TSPAN15: variants seen among roughly 807,000 people sequenced by gnomAD.
TSPAN15 encodes tetraspanin-15.
Under a neutral mutation model 34.5 loss-of-function variants are expected in TSPAN15, and 20 were observed. That is an observed-to-expected ratio of 0.58 (90% CI 0.41 to 0.84). The LOEUF (loss-of-function observed/expected upper bound fraction) is 0.84, where lower values mean the gene tolerates loss of function less well. Among genes scored for constraint, TSPAN15 ranks in the 40% least tolerant of loss-of-function variants. TSPAN15 has a pLI of 0.00. For synonymous variants in TSPAN15, 155 were observed against 153.9 expected (o/e 1.01, Z -0.05); for missense variants, 313 against 386.1 (o/e 0.81, Z 1.59).
the TSPAN15 span, among the ~76,000 whole-genome samples, chr10:69,543,976 C>T: frequency 1.3e-5 from 2 of 149,844 alleles, no homozygotes; most frequent in Non-Finnish European, 3.0e-5. Context: ...TGCATACAGG[C>T]AGGGAGATTG....
chr10:69,485,747 G>T (rs763701041), intron 3 of TSPAN15, among the ~76,000 whole-genome samples: 15 of 145,970 alleles, frequency 1.0e-4, no homozygotes, highest in Non-Finnish European at 2.1e-4. Flanking sequence ...AGAGTTGAGG[G>T]TGTACACAGG....
intron 5 of TSPAN15, among the ~76,000 whole-genome samples, chr10:69,498,847 G>T (rs554885954): frequency 1.3e-5 from 2 of 152,322 alleles, no homozygotes; most frequent in East Asian, 3.9e-4. Flanking sequence ...AACTGTGCAG[G>T]CCAGGTGAGG....
chr10:69,498,204 G>T, intron 4 of TSPAN15, 76 bp from the exon 5 acceptor site: 1 of 1,360,254 alleles, frequency 7.4e-7, no homozygotes, highest in Non-Finnish European at 1.1e-6. Flanking sequence ...TCCGTCTCCT[G>T]ACAGGGCCCC....
intron 1 of TSPAN15, among the ~76,000 whole-genome samples, chr10:69,471,858 G>A (rs1360294540): frequency 1.3e-5 from 2 of 152,168 alleles, no homozygotes; most frequent in Admixed American, 1.3e-4. Context: ...TTCCCAAAGT[G>A]CTGGGATTAC....
chr10:69,506,408 G>C lies in TSPAN15; in HGVS notation c.735+168G>C, dbSNP rs1842328731. On this transcript the variant is annotated intron_variant, in intron 7 of 7. Coordinates refer to ENST00000373290, the MANE Select transcript of TSPAN15 (RefSeq NM_012339.5). This position sits in a 1 kb window ranked among gnomAD's most constrained non-coding sequence, Gnocchi z 4.7. ...AAATGGCAATAGCAGTCGTGGCGAA[G>C]CTCTTCCAAGTGCTGCGCAGGCACT... The C allele has an allele frequency of 1.6e-6, 1 of 637,958 alleles. No homozygotes were observed. The highest frequency in any genetic ancestry group is 2.8e-5 in the Admixed American group (1 of 35,514). 39.5% of individuals were successfully genotyped at this position (637,958 alleles called of 1,614,324 possible). A position where few individuals can be genotyped will look rare whatever the true frequency, so the allele number is the denominator to read the frequency against.
Position 69,507,227 on chromosome 10 carries a change from G to GC in TSPAN15, c.*252dup, listed in dbSNP as rs1842351090. 5 of 1,394,250 alleles carry GC rather than the reference G, an allele frequency of 3.6e-6. No individual in the cohort carries two copies. The highest frequency in any genetic ancestry group is 3.7e-6 in the Non-Finnish European group (4 of 1,078,012). 86.4% of individuals were successfully genotyped at this position (1,394,250 alleles called of 1,614,324 possible). A position where few individuals can be genotyped will look rare whatever the true frequency, so the allele number is the denominator to read the frequency against. Reference sequence around the variant, plus strand: ...GCCCACCTGGGGCCTGGGGAACAAGGCCCTCCTTTCTCCAGGCCTGGGCTA... The same window carrying GC: ...GCCCACCTGGGGCCTGGGGAACAAGGCCCCTCCTTTCTCCAGGCCTGGGCTA... On this transcript the variant is annotated 3_prime_UTR_variant, in exon 8 of 8. Transcript: ENST00000373290.
chr10:69,466,038 G>A (rs2133077380), intron 1 of TSPAN15, among the ~76,000 whole-genome samples: 1 of 152,386 alleles, frequency 6.6e-6, no homozygotes, highest in Middle Eastern at 3.4e-3. Flanking sequence ...TGTGGGGATA[G>A]AGGGAGCAAG....
At chr10:69,539,461 AAGG>A in the TSPAN15 span, among the ~76,000 whole-genome samples, 1,542 of 48,026 alleles carry the variant, frequency 0.032, 38 homozygotes, top group African/African-American at 0.089. Context: ...GAAGAAGAAG[AAGG>A]AGAAGGAGAA....
chr10:69,484,692 G>A (rs1008698579), intron 2 of TSPAN15, among the ~76,000 whole-genome samples: 1 of 152,164 alleles, frequency 6.6e-6, no homozygotes, highest in Non-Finnish European at 1.5e-5. Flanking sequence ...TATCCTCTAA[G>A]CTTCAGCCAT....
the TSPAN15 span, among the ~76,000 whole-genome samples, chr10:69,540,831 C>T: frequency 7.3e-5 from 11 of 151,486 alleles, no homozygotes; most frequent in African/African-American, 1.2e-4. Context: ...GTGGGAGGGG[C>T]GAGGTCTTGG....
chr10:69,548,778 A>G, the TSPAN15 span, among the ~76,000 whole-genome samples: 5 of 152,166 alleles, frequency 3.3e-5, no homozygotes, highest in Non-Finnish European at 4.4e-5. Context: ...ATTACTTGGG[A>G]GAAGTAAGAT....
chr10:69,506,017 C>T lies in TSPAN15; in HGVS notation c.619-107C>T, dbSNP rs1359936058. On this transcript the variant is annotated intron_variant, in intron 6 of 7. Coordinates refer to ENST00000373290, the MANE Select transcript of TSPAN15 (RefSeq NM_012339.5). This position sits in a 1 kb window ranked among gnomAD's most constrained non-coding sequence, Gnocchi z 4.7. The stretch of plus-strand genomic sequence containing the variant: ...GCTGCATATGGGAAACTGAGGATCA[C>T]AGCGGTTGAGGGACTAGCCTGGACC... The T allele has an allele frequency of 1.2e-6, 1 of 828,628 alleles. No homozygotes were observed. The highest frequency in any genetic ancestry group is 2.0e-6 in the Non-Finnish European group (1 of 508,528). 51.3% of individuals were successfully genotyped at this position (828,628 alleles called of 1,614,324 possible).
At chr10:69,460,343 G>A (rs73269803) in intron 1 of TSPAN15, among the ~76,000 whole-genome samples, 2,487 of 152,272 alleles carry the variant, frequency 0.016, 66 homozygotes, top group African/African-American at 0.057. Context: ...CCCAGCCCTC[G>A]GTCAGCATGA....
the TSPAN15 span, among the ~76,000 whole-genome samples, chr10:69,513,216 C>T: frequency 6.6e-6 from 1 of 152,210 alleles, no homozygotes; most frequent in East Asian, 1.9e-4. Context: ...TTGCCATCCA[C>T]ATAATTTCTT....
chr10:69,539,533 A>AAGAAGAAGAAGAAGAAGAAGAAGG, the TSPAN15 span, among the ~76,000 whole-genome samples: 3 of 48,314 alleles, frequency 6.2e-5, no homozygotes, highest in South Asian at 1.8e-3. Context: ...GAAGAAGAAG[A>AAGAAGAAGAAGAAGAAGAAGAAGG]AGAAGGAGAA....
At chr10:69,483,499 C>G (rs898261759) in intron 1 of TSPAN15, among the ~76,000 whole-genome samples, 192 bp from the exon 2 acceptor site, 1 of 152,122 alleles carries the variant, frequency 6.6e-6, no homozygotes, top group Non-Finnish European at 1.5e-5. Context: ...AGTCACATTT[C>G]GAGGTACTGG....
intron 1 of TSPAN15, among the ~76,000 whole-genome samples, chr10:69,458,115 C>A (rs564200875): frequency 3.3e-5 from 5 of 152,296 alleles, no homozygotes; most frequent in Admixed American, 3.3e-4. Context: ...CATGACCTTT[C>A]CAGGCGCCAT....
At chr10:69,530,820 CTATATATATATATATA>C in the TSPAN15 span, among the ~76,000 whole-genome samples, 189 of 30,776 alleles carry the variant, frequency 6.1e-3, 12 homozygotes, top group East Asian at 0.027. Flanking sequence ...CTCTCTCTCT[CTATATATATATATATA>C]TATATATATA....
At chr10:69,489,832 G>A (rs140699743) in intron 3 of TSPAN15, among the ~76,000 whole-genome samples, 7 of 152,362 alleles carry the variant, frequency 4.6e-5, no homozygotes, top group East Asian at 1.9e-4. Flanking sequence ...GGAGAAGTAC[G>A]ACACCCCTGA....
Sources: gnomAD v4.1 joint callset for allele counts (sites outside exome capture counted in the v4.1 genomes callset) on GRCh38, gnomAD v4.1.1 for gene constraint, Gnocchi (gnomAD v3.1) non-coding constraint, MANE v1.5 for transcripts, NCBI Gene and HGNC (gene_info 2026-07-23, HGNC 2026-07-21) for gene names.